NCAM2: variants seen among roughly 807,000 people sequenced by gnomAD.
NCAM2 encodes neural cell adhesion molecule 2.
In NCAM2, 30 loss-of-function variants were observed where a neutral mutation model predicts 98.1. The ratio of observed to expected loss-of-function variants is 0.31; its 90% CI spans 0.23 to 0.41. The LOEUF (loss-of-function observed/expected upper bound fraction) is 0.41. Among genes scored for constraint, NCAM2 ranks in the 10% least tolerant of loss-of-function variants. The pLI is 1.00. For missense variants in NCAM2, 867 were observed against 1,005.8 expected (o/e 0.86, Z 1.87); for synonymous variants, 368 against 342.4 (o/e 1.07, Z -0.83).
chr21:21,181,234 G>T (rs1281327688), intron 1 of NCAM2, among the ~76,000 whole-genome samples: 2 of 152,014 alleles, frequency 1.3e-5, no homozygotes, highest in African/African-American at 4.8e-5. Context: ...TTTGATTTGA[G>T]TTCTAATTTT....
intron 1 of NCAM2, among the ~76,000 whole-genome samples, chr21:21,249,916 G>A (rs1568832817): frequency 6.6e-6 from 1 of 152,134 alleles, no homozygotes; most frequent in East Asian, 1.9e-4. Flanking sequence ...TTTAATTGTT[G>A]TAAGAGTAAT....
intron 8 of NCAM2, among the ~76,000 whole-genome samples, chr21:21,348,196 T>A (rs2075240259): frequency 6.6e-6 from 1 of 152,084 alleles, no homozygotes; most frequent in African/African-American, 2.4e-5. Flanking sequence ...GATGACATGG[T>A]CATATATTTG....
intron 10 of NCAM2, among the ~76,000 whole-genome samples, chr21:21,417,331 A>C (rs2077014869): frequency 6.6e-6 from 1 of 152,112 alleles, no homozygotes; most frequent in East Asian, 1.9e-4. Flanking sequence ...CTTAGCAGTA[A>C]TTATGTAAGA....
chr21:21,004,158 T>G (rs1384575663), intron 1 of NCAM2, among the ~76,000 whole-genome samples: 1 of 152,190 alleles, frequency 6.6e-6, no homozygotes, highest in East Asian at 1.9e-4. Context: ...TAGATTTTAT[T>G]TAAATGAATC....
Position 21,082,813 on chromosome 21 carries a change from C to T in NCAM2, c.55+84195C>T, listed in dbSNP as rs1211286151. On this transcript the variant is annotated intron_variant, in intron 1 of 17. Transcript: ENST00000400546. ...CCTGCCTTAGATTTTCACAAATTCA[C>T]CATCTCTCTTAGGTATTTGAACCTT... 5.2e-4 allele frequency among the ~76,000 whole-genome samples: 79 copies of T among 152,144 alleles called. 3 individuals carry two copies. The highest frequency in any genetic ancestry group is 5.2e-3 in the Admixed American group (79 of 15,270).
At chr21:21,166,775 A>G (rs766077931) in intron 1 of NCAM2, among the ~76,000 whole-genome samples, 48 of 152,264 alleles carry the variant, frequency 3.2e-4, no homozygotes, top group Non-Finnish European at 5.3e-4. Context: ...GGTTTACCAG[A>G]TTTTTATTTG....
At chr21:21,301,277 G>C (rs2073701109) in intron 5 of NCAM2, among the ~76,000 whole-genome samples, 1 of 151,778 alleles carries the variant, frequency 6.6e-6, no homozygotes, top group African/African-American at 2.4e-5. Context: ...TGTTGCAGTT[G>C]TTTCTGGGGA....
intron 8 of NCAM2, among the ~76,000 whole-genome samples, chr21:21,340,087 T>A (rs1198258772): frequency 1.3e-5 from 2 of 151,938 alleles, no homozygotes; most frequent in Middle Eastern, 3.4e-3. Flanking sequence ...TATGTGAAAT[T>A]AAAAAAATAC....
intron 1 of NCAM2, among the ~76,000 whole-genome samples, chr21:21,001,108 G>A (rs529621815): frequency 6.6e-6 from 1 of 152,296 alleles, no homozygotes; most frequent in African/African-American, 2.4e-5. Flanking sequence ...ACTGAGGAAA[G>A]GCAACAATGA....
intron 1 of NCAM2, among the ~76,000 whole-genome samples, chr21:21,113,557 G>A (rs2066495198): frequency 6.6e-6 from 1 of 151,618 alleles, no homozygotes; most frequent in Non-Finnish European, 1.5e-5. Flanking sequence ...TACACACATG[G>A]CCTATTACTG....
chr21:21,037,993 T>A (rs981034197), intron 1 of NCAM2, among the ~76,000 whole-genome samples: 5 of 152,204 alleles, frequency 3.3e-5, no homozygotes, highest in Admixed American at 2.6e-4. Flanking sequence ...GTTAATTTAT[T>A]CTGCTTTGCA....
At chr21:21,127,818 A>G (rs931457066) in intron 1 of NCAM2, among the ~76,000 whole-genome samples, 3 of 152,120 alleles carry the variant, frequency 2.0e-5, no homozygotes, top group African/African-American at 7.2e-5. Flanking sequence ...TTCATTGTGT[A>G]TATATACGTA....
chr21:21,366,123 C>T (rs955793944), intron 8 of NCAM2, among the ~76,000 whole-genome samples: 11 of 152,122 alleles, frequency 7.2e-5, no homozygotes, highest in African/African-American at 2.6e-4. Flanking sequence ...CCAAAATATT[C>T]TGAGTTTCTT....
At chr21:21,443,849 G>A (rs969229953) in intron 12 of NCAM2, among the ~76,000 whole-genome samples, 2 of 152,052 alleles carry the variant, frequency 1.3e-5, no homozygotes, top group Non-Finnish European at 2.9e-5. Flanking sequence ...GAAGTAACTG[G>A]ATTTCCCTCT....
At chr21:21,207,546 C>T (rs2069487912) in intron 1 of NCAM2, among the ~76,000 whole-genome samples, 1 of 13,056 alleles carries the variant, frequency 7.7e-5, no homozygotes, top group Admixed American at 1.3e-3. Flanking sequence ...TGGGGCTTTC[C>T]CACAGAGAAT....
At chr21:21,254,179 C>T (rs970552360) in intron 1 of NCAM2, among the ~76,000 whole-genome samples, 9 of 152,118 alleles carry the variant, frequency 5.9e-5, no homozygotes, top group Admixed American at 6.5e-5. Context: ...TATCAAAAGC[C>T]GCACTTAGCA....
At chr21:21,335,432 T>C in intron 6 of NCAM2, 73 bp from the exon 7 acceptor site, 1 of 1,330,626 alleles carries the variant, frequency 7.5e-7, no homozygotes, top group Non-Finnish European at 1.0e-6. Context: ...TGCCTATAGA[T>C]TAAAAAGTTG....
At chr21:21,259,302 C>T (rs574423231) in intron 1 of NCAM2, among the ~76,000 whole-genome samples, 38 of 152,260 alleles carry the variant, frequency 2.5e-4, no homozygotes, top group African/African-American at 8.7e-4. Flanking sequence ...ACCAGAGGGG[C>T]ATATTCATGG....
intron 1 of NCAM2, among the ~76,000 whole-genome samples, chr21:21,176,883 AAAAG>A (rs1241404216): frequency 6.6e-6 from 1 of 151,954 alleles, no homozygotes; most frequent in Non-Finnish European, 1.5e-5. Context: ...AGTTAAAAAA[AAAAG>A]GCAAAAAGAA....
Sources: gnomAD v4.1 joint callset for allele counts (sites outside exome capture counted in the v4.1 genomes callset) on GRCh38, gnomAD v4.1.1 for gene constraint, MANE v1.5 for transcripts, NCBI Gene and HGNC (gene_info 2026-07-23, HGNC 2026-07-21) for gene names.